Variants in RAB14 observed in about 807,000 individuals in gnomAD.
RAB14 encodes RAB14, member RAS oncogene family.
Under a neutral mutation model 31.1 loss-of-function variants are expected in RAB14, and 3 were observed. The ratio of observed to expected loss-of-function variants is 0.10; its 90% CI spans 0.04 to 0.25. The LOEUF (loss-of-function observed/expected upper bound fraction) is 0.25, where lower values mean the gene tolerates loss of function less well. Among genes scored for constraint, RAB14 ranks in the 10% least tolerant of loss-of-function variants. The pLI is 1.00. For synonymous variants in RAB14, 85 were observed against 84.9 expected (o/e 1.00, Z 0.00); for missense variants, 111 against 260.1 (o/e 0.43, Z 3.94).
intron 1 of RAB14, among the ~76,000 whole-genome samples, chr9:121,195,579 TA>T (rs2053710851): frequency 6.6e-6 from 1 of 152,182 alleles, no homozygotes; most frequent in Admixed American, 6.6e-5. Context: ...TTTGAAAATG[TA>T]TCTTAAAATT....
At chr9:121,200,968 T>C (rs2053765597) in intron 1 of RAB14, among the ~76,000 whole-genome samples, 1 of 152,224 alleles carries the variant, frequency 6.6e-6, no homozygotes, top group Non-Finnish European at 1.5e-5. Context: ...TTCTAGATGC[T>C]CTGTAGGTTC....
chr9:121,200,332 T>C (rs1308782853), intron 1 of RAB14, among the ~76,000 whole-genome samples: 1 of 152,210 alleles, frequency 6.6e-6, no homozygotes, highest in African/African-American at 2.4e-5. Context: ...TAAAAGGCAG[T>C]TGTTCCTCTA....
chr9:121,188,397 A>C (rs1180460313), intron 4 of RAB14, among the ~76,000 whole-genome samples: 2 of 151,918 alleles, frequency 1.3e-5, no homozygotes, highest in East Asian at 3.9e-4. Flanking sequence ...CCTAGTACCA[A>C]AATCATATAA....
chr9:121,186,824 T>C (rs1386185578), intron 5 of RAB14, 129 bp downstream of exon 5: 13 of 509,868 alleles, frequency 2.5e-5, no homozygotes, highest in South Asian at 2.2e-4. Flanking sequence ...CTTCAACTAA[T>C]TGAAGAATAC....
In RAB14 at chr9:121,180,743, C is replaced by T. The variant is rs1286905907; in HGVS notation, c.*653G>A. The T allele has an allele frequency of 1.3e-5, 2 of 152,548 alleles. No homozygotes were observed. The highest frequency in any genetic ancestry group is 2.4e-5 in the African/African-American group (1 of 41,420). The allele number at this position is 152,548 out of a possible 1,614,324, so 9.4% of individuals were successfully genotyped here. A position where few individuals can be genotyped will look rare whatever the true frequency, so the allele number is the denominator to read the frequency against. On this transcript the variant is annotated 3_prime_UTR_variant, in exon 8 of 8. Transcript: ENST00000373840. ...TAGTTCGATTCCTTCAAATTTTATA[C>T]ATATTTACTTTCTGTTAAAGAGAAA...
At chr9:121,188,328 T>C (rs2053668973) in intron 4 of RAB14, among the ~76,000 whole-genome samples, 1 of 152,008 alleles carries the variant, frequency 6.6e-6, no homozygotes, top group Admixed American at 6.6e-5. Flanking sequence ...ACATTTCTAC[T>C]GACTTTGATG....
chr9:121,181,219 G>T lies in RAB14; in HGVS notation c.*177C>A. The stretch of plus-strand genomic sequence containing the variant: ...TTACTCTACTTGCCTTTGATAACCT[G>T]ATTACATCTAGTTGTTTAGCAGTTT... On this transcript the variant is annotated 3_prime_UTR_variant, in exon 8 of 8. Coordinates refer to ENST00000373840, the MANE Select transcript of RAB14 (RefSeq NM_016322.4). The T allele has an allele frequency of 1.7e-6, 1 of 574,740 alleles. No homozygotes were observed. Among genetic ancestry groups the T allele is most frequent in the Non-Finnish European group, 2.7e-6 (1 of 365,148 alleles). 35.6% of individuals were successfully genotyped at this position (574,740 alleles called of 1,614,324 possible). A position where few individuals can be genotyped will look rare whatever the true frequency, so the allele number is the denominator to read the frequency against.
At chr9:121,201,211 T>C (rs1460898741) in intron 1 of RAB14, among the ~76,000 whole-genome samples, 2 of 152,150 alleles carry the variant, frequency 1.3e-5, no homozygotes, top group Non-Finnish European at 2.9e-5. Context: ...CGTCTGGGGC[T>C]TGCGGGCTGC....
At chr9:121,194,511 AG>A (rs1170688272) in intron 1 of RAB14, among the ~76,000 whole-genome samples, 3 of 152,230 alleles carry the variant, frequency 2.0e-5, no homozygotes, top group Non-Finnish European at 4.4e-5. Flanking sequence ...GAGAGAAACA[AG>A]GGGCTGAACT....
chr9:121,185,897 A>G (rs946719740), intron 5 of RAB14, among the ~76,000 whole-genome samples: 1 of 152,072 alleles, frequency 6.6e-6, no homozygotes, highest in African/African-American at 2.4e-5. Context: ...GTGTATGTAA[A>G]CCTTGGGTTT....
In RAB14 at chr9:121,190,480, G is replaced by A. The variant is rs751977353; in HGVS notation, c.284+74C>T. ...CATACAATTACAAACTAAAAAAAATGCCTATCAATTTTTTTTTAAATGCCC... is the reference window on the plus strand; with the variant it reads ...CATACAATTACAAACTAAAAAAAATACCTATCAATTTTTTTTTAAATGCCC... On this transcript the variant is annotated intron_variant, in intron 4 of 7. Coordinates refer to ENST00000373840, the MANE Select transcript of RAB14 (RefSeq NM_016322.4). 2.3e-6 allele frequency: 3 copies of A among 1,321,182 alleles called. No homozygotes were observed. In the Admixed American group the frequency reaches 7.4e-5, roughly 33 times the overall value. 81.8% of individuals were successfully genotyped at this position (1,321,182 alleles called of 1,614,324 possible). A position where few individuals can be genotyped will look rare whatever the true frequency, so the allele number is the denominator to read the frequency against.
At chr9:121,184,374 G>GA (rs1362349240) in intron 5 of RAB14, among the ~76,000 whole-genome samples, 4 of 152,052 alleles carry the variant, frequency 2.6e-5, no homozygotes, top group Non-Finnish European at 5.9e-5. Context: ...AAAGTTGTAA[G>GA]AAAAAAATAT....
Position 121,193,475 on chromosome 9 carries a change from A to G in RAB14, c.-7-56T>C, listed in dbSNP as rs2053697500. On this transcript the variant is annotated intron_variant, in intron 1 of 7. Transcript: ENST00000373840. Reference sequence around the variant, plus strand: ...AAGGAAAGCATATACAAGTAATTCAAACGGATGACTGATATCCTTTAAAGG... The same window carrying G: ...AAGGAAAGCATATACAAGTAATTCAGACGGATGACTGATATCCTTTAAAGG... The G allele has an allele frequency of 3.5e-6, 4 of 1,149,672 alleles. No individual in the cohort carries two copies. In the South Asian group the frequency reaches 5.5e-5, roughly 16 times the overall value. The allele number at this position is 1,149,672 out of a possible 1,614,324, so 71.2% of individuals were successfully genotyped here.
Position 121,180,279 on chromosome 9 carries a change from G to A in RAB14, c.*1117C>T, listed in dbSNP as rs916635840. On this transcript the variant is annotated 3_prime_UTR_variant, in exon 8 of 8. Transcript: ENST00000373840. ...GTTCAGAATCTGACCATTCCAAGAA[G>A]ATAAAGGTATAAAAGCTTAAAATGT... 6.6e-6 allele frequency: 1 copy of A among 152,602 alleles called. No individual in the cohort carries two copies. The highest frequency in any genetic ancestry group is 2.4e-5 in the African/African-American group (1 of 41,436). The allele number at this position is 152,602 out of a possible 1,614,324, so 9.5% of individuals were successfully genotyped here. A position where few individuals can be genotyped will look rare whatever the true frequency, so the allele number is the denominator to read the frequency against.
Position 121,193,473 on chromosome 9 carries a change from C to T in RAB14, c.-7-54G>A. The T allele has an allele frequency of 3.4e-6, 4 of 1,184,536 alleles. 1 individual carries two copies. Among genetic ancestry groups the T allele is most frequent in the East Asian group, 5.0e-5 (2 of 40,316 alleles). The allele number at this position is 1,184,536 out of a possible 1,614,324, so 73.4% of individuals were successfully genotyped here. ...AGAAGGAAAGCATATACAAGTAATT[C>T]AAACGGATGACTGATATCCTTTAAA... On this transcript the variant is annotated intron_variant, in intron 1 of 7. Transcript: ENST00000373840.
intron 1 of RAB14, among the ~76,000 whole-genome samples, chr9:121,195,907 G>A (rs530734605): frequency 6.6e-6 from 1 of 152,176 alleles, no homozygotes; most frequent in Non-Finnish European, 1.5e-5. Flanking sequence ...TCAGTCAAAA[G>A]TATTTGCAGT....
chr9:121,186,369 T>C (rs547545274), intron 5 of RAB14, among the ~76,000 whole-genome samples: 2 of 152,306 alleles, frequency 1.3e-5, no homozygotes, highest in South Asian at 4.1e-4. Context: ...TATAAGCTCT[T>C]TGGGACCAAG....
chr9:121,199,288 A>G (rs1302934036), intron 1 of RAB14, among the ~76,000 whole-genome samples: 3 of 152,246 alleles, frequency 2.0e-5, no homozygotes, highest in South Asian at 2.1e-4. Context: ...GCTGATAGGT[A>G]TATGAATGCT....
At chr9:121,197,876 A>T (rs1288880639) in intron 1 of RAB14, among the ~76,000 whole-genome samples, 2 of 152,230 alleles carry the variant, frequency 1.3e-5, no homozygotes, top group Non-Finnish European at 2.9e-5. Flanking sequence ...GACTGAATAA[A>T]GTACATCTAT....
Sources: gnomAD v4.1 joint callset for allele counts (sites outside exome capture counted in the v4.1 genomes callset) on GRCh38, gnomAD v4.1.1 for gene constraint, MANE v1.5 for transcripts, NCBI Gene and HGNC (gene_info 2026-07-23, HGNC 2026-07-21) for gene names.